The following ZFHX3 variants were observed in gnomAD, a reference collection of about 807,000 sequenced individuals.
ZFHX3 encodes the protein zinc finger homeobox protein 3.
In ZFHX3, 42 loss-of-function variants were observed where a neutral mutation model predicts 279.1. The observed-to-expected ratio is 0.15, with a 90% CI of 0.12 to 0.19. The LOEUF (loss-of-function observed/expected upper bound fraction) is 0.19, where lower values mean the gene tolerates loss of function less well. Among genes scored for constraint, ZFHX3 ranks in the 10% least tolerant of loss-of-function variants. The pLI is 1.00. For missense variants in ZFHX3, 4,981 were observed against 4,754.0 expected, an observed-to-expected ratio of 1.05 and a Z score of -1.40; for synonymous variants, 2,293 against 1,957.8, an observed-to-expected ratio of 1.17 and a Z score of -4.52.
intron 1 of ZFHX3, among the ~76,000 whole-genome samples, chr16:73,703,647 T>C: frequency 6.6e-6 from 1 of 152,086 alleles, no homozygotes; most frequent in South Asian, 2.1e-4. Context: ...ACCTGAATCA[T>C]TTCATGAGTA....
intron 3 of ZFHX3, among the ~76,000 whole-genome samples, chr16:73,444,638 G>A (rs1379972036): frequency 1.3e-5 from 2 of 152,254 alleles, no homozygotes; most frequent in Non-Finnish European, 1.5e-5. Flanking sequence ...TGAATTCCAG[G>A]TGAGCACATT....
intron 3 of ZFHX3, among the ~76,000 whole-genome samples, chr16:72,890,205 A>G (rs567204069): frequency 1.3e-5 from 2 of 152,324 alleles, no homozygotes; most frequent in South Asian, 4.1e-4. Flanking sequence ...TGATTAGAAT[A>G]TGGGGGTGGT....
At chr16:72,891,494 G>A (rs2144084546) in intron 3 of ZFHX3, among the ~76,000 whole-genome samples, 1 of 152,288 alleles carries the variant, frequency 6.6e-6, no homozygotes, top group Non-Finnish European at 1.5e-5. Context: ...AACAGAGAAT[G>A]AATGTGCACC....
chr16:72,845,844 A>C (rs1171586800), intron 4 of ZFHX3, among the ~76,000 whole-genome samples: 5 of 152,238 alleles, frequency 3.3e-5, no homozygotes, highest in Non-Finnish European at 1.5e-5. Context: ...AGATAGTATT[A>C]GGACTCTCAT....
intron 1 of ZFHX3, among the ~76,000 whole-genome samples, chr16:73,057,270 C>T (rs1380049637): frequency 2.0e-5 from 3 of 152,184 alleles, no homozygotes; most frequent in East Asian, 3.8e-4. Flanking sequence ...AAGTCAGATT[C>T]TGAGCAACAG....
At chr16:73,589,931 A>C (rs982233083) in intron 2 of ZFHX3, among the ~76,000 whole-genome samples, 3 of 152,114 alleles carry the variant, frequency 2.0e-5, no homozygotes, top group Admixed American at 6.6e-5. Flanking sequence ...AGAACTATTC[A>C]AAGTGTTTTT....
At chr16:73,730,271 C>G (rs1486528410) in intron 1 of ZFHX3, among the ~76,000 whole-genome samples, 1 of 146,196 alleles carries the variant, frequency 6.8e-6, no homozygotes, top group Admixed American at 7.0e-5. Flanking sequence ...CAGTGGCACT[C>G]ATCCATGGTT....
intron 3 of ZFHX3, among the ~76,000 whole-genome samples, chr16:73,337,964 T>C (rs1228053978): frequency 4.0e-5 from 6 of 148,634 alleles, no homozygotes; most frequent in African/African-American, 1.5e-4. Flanking sequence ...CTTACACAGT[T>C]TAGATTCCAG....
At chr16:72,936,942 A>T (rs982057515) in intron 3 of ZFHX3, among the ~76,000 whole-genome samples, 2 of 152,140 alleles carry the variant, frequency 1.3e-5, no homozygotes, top group African/African-American at 4.8e-5. Context: ...GTATTTTTGA[A>T]GGAAGCACCC....
intron 2 of ZFHX3, among the ~76,000 whole-genome samples, chr16:73,640,513 A>G (rs1400222053): frequency 6.6e-6 from 1 of 152,204 alleles, no homozygotes; most frequent in East Asian, 1.9e-4. Context: ...AAGGTAACAG[A>G]GGACATTGCC....
chr16:73,453,483 C>G (rs2018314519), intron 3 of ZFHX3, among the ~76,000 whole-genome samples: 1 of 152,210 alleles, frequency 6.6e-6, no homozygotes, highest in Non-Finnish European at 1.5e-5. Flanking sequence ...CGGAAGGACA[C>G]TCAAGCTGGT....
chr16:73,497,282 ACTGT>A (rs538420412), intron 2 of ZFHX3, among the ~76,000 whole-genome samples: 58 of 152,292 alleles, frequency 3.8e-4, no homozygotes, highest in Non-Finnish European at 5.4e-4. Context: ...CCACTCAAAA[ACTGT>A]CTGACAAAAT....
chr16:73,021,365 C>G (rs1964291536), intron 1 of ZFHX3, among the ~76,000 whole-genome samples: 2 of 152,142 alleles, frequency 1.3e-5, no homozygotes, highest in South Asian at 4.1e-4. Flanking sequence ...TGTCTTGTCC[C>G]ATATCTCCCT....
chr16:73,007,602 G>A (rs1433924624), intron 1 of ZFHX3, among the ~76,000 whole-genome samples: 3 of 151,826 alleles, frequency 2.0e-5, no homozygotes, highest in East Asian at 1.9e-4. Context: ...GCCCACCACC[G>A]CACCCGGCTG....
intron 5 of ZFHX3, among the ~76,000 whole-genome samples, chr16:73,187,823 C>T (rs1428841639): frequency 1.3e-5 from 2 of 152,180 alleles, no homozygotes; most frequent in African/African-American, 2.4e-5. Flanking sequence ...ACGTCACCCA[C>T]GTTGCATAAC....
At chr16:73,018,346 G>A (rs1404885963) in intron 1 of ZFHX3, among the ~76,000 whole-genome samples, 6 of 151,414 alleles carry the variant, frequency 4.0e-5, no homozygotes, top group Admixed American at 1.3e-4. Flanking sequence ...GGTGGCTCAC[G>A]CCTGTCATCC....
intron 3 of ZFHX3, among the ~76,000 whole-genome samples, chr16:73,355,084 T>A (rs932450280): frequency 1.3e-5 from 2 of 152,158 alleles, no homozygotes; most frequent in African/African-American, 4.8e-5. Flanking sequence ...CGGGCTAATC[T>A]CCTAGAGGTG....
At chr16:72,920,396 A>G in intron 3 of ZFHX3, among the ~76,000 whole-genome samples, 1 of 151,964 alleles carries the variant, frequency 6.6e-6, no homozygotes, top group East Asian at 1.9e-4. Flanking sequence ...AAAGAAACAC[A>G]CCAACCAGGT....
chr16:73,342,147 T>C (rs901868498), intron 3 of ZFHX3, among the ~76,000 whole-genome samples: 5 of 152,192 alleles, frequency 3.3e-5, no homozygotes, highest in African/African-American at 1.2e-4. Flanking sequence ...CTCATAAATA[T>C]TAGAAAGCTT....
Sources: allele counts gnomAD v4.1 joint callset (sites outside exome capture counted in the v4.1 genomes callset), GRCh38; gene constraint gnomAD v4.1.1; transcripts MANE v1.5; gene names NCBI Gene and HGNC (gene_info 2026-07-23, HGNC 2026-07-21).